UGT2A2: variants seen among roughly 807,000 people sequenced by gnomAD.
UGT2A2 encodes the protein UDP-glucuronosyltransferase 2A2.
A neutral mutation model predicts 50.7 loss-of-function variants in UGT2A2; 60 were observed. The observed-to-expected ratio is 1.18, with a 90% confidence interval of 0.96 to 1.47. The LOEUF is 1.47. Among genes scored for constraint, UGT2A2 ranks in the 40% most tolerant of loss-of-function variants. The pLI is 0.00. For synonymous variants in UGT2A2, 242 were observed against 214.6 expected, an observed-to-expected ratio of 1.13 and a Z score of -1.11; for missense variants, 762 against 634.0, an observed-to-expected ratio of 1.20 and a Z score of -2.17.
chr4:69,594,689 G>T lies in UGT2A2; in HGVS notation c.1119C>A (p.Pro373=), dbSNP rs145779977. 24 of 1,613,134 alleles carry T rather than the reference G, an allele frequency of 1.5e-5. No homozygotes were observed. The African/African-American group carries it at 2.7e-4, about 18-fold the overall frequency. ...CATGAGTGATAAAAGCTTTGGTTTT[G>T]GGATGTCCTAATTTGAGGATGGAGT... ...WIPQNDLLGH[P]KTKAFITHGG... is the part of the protein sequence containing the mutation. Residue 373 remains proline (P), a synonymous_variant, in exon 5 of 6, where the codon CCC becomes CCA. Coordinates refer to ENST00000604629, the MANE Select transcript of UGT2A2 (RefSeq NM_001105677.2).
At chr4:69,617,011 G>A (rs1408237560) in intron 1 of UGT2A2, among the ~76,000 whole-genome samples, 1 of 151,732 alleles carries the variant, frequency 6.6e-6, no homozygotes, top group Non-Finnish European at 1.5e-5. Flanking sequence ...TGAGAAATAT[G>A]TAGCTGGTGG....
intron 1 of UGT2A2, among the ~76,000 whole-genome samples, chr4:69,608,137 G>A (rs376459007): frequency 4.8e-4 from 73 of 152,054 alleles, no homozygotes; most frequent in East Asian, 3.3e-3. Context: ...TTATTGCAGC[G>A]CTATTCACAA....
At chr4:69,612,768 T>C (rs1281779300) in intron 1 of UGT2A2, among the ~76,000 whole-genome samples, 5 of 151,870 alleles carry the variant, frequency 3.3e-5, no homozygotes, top group Admixed American at 3.3e-4. Flanking sequence ...CCTCAAAGTA[T>C]AAAAATCTTT....
intron 1 of UGT2A2, among the ~76,000 whole-genome samples, chr4:69,611,475 A>G (rs1235186656): frequency 1.3e-5 from 2 of 152,078 alleles, no homozygotes; most frequent in Non-Finnish European, 2.9e-5. Context: ...GTATGCACAC[A>G]CTATGACAAG....
intron 1 of UGT2A2, among the ~76,000 whole-genome samples, chr4:69,622,722 T>C (rs1720821858): frequency 6.6e-6 from 1 of 151,744 alleles, no homozygotes; most frequent in African/African-American, 2.4e-5. Flanking sequence ...GTCTAGGCAA[T>C]GTGATGCTGC....
intron 1 of UGT2A2, among the ~76,000 whole-genome samples, chr4:69,620,629 A>G (rs895960087): frequency 8.7e-5 from 13 of 150,060 alleles, no homozygotes; most frequent in African/African-American, 3.2e-4. Context: ...GAAATAAAAA[A>G]CTATTTTAAA....
At chr4:69,632,406 G>A (rs1230429959) in intron 1 of UGT2A2, among the ~76,000 whole-genome samples, 1 of 151,984 alleles carries the variant, frequency 6.6e-6, no homozygotes, top group Non-Finnish European at 1.5e-5. Flanking sequence ...AAGTTGAGTT[G>A]CTGATGATGC....
At chr4:69,594,265 C>T (rs977349173) in intron 5 of UGT2A2, among the ~76,000 whole-genome samples, 2 of 152,074 alleles carry the variant, frequency 1.3e-5, no homozygotes, top group African/African-American at 2.4e-5. Context: ...TGAGCCACTG[C>T]GCCCGGCCAA....
intron 1 of UGT2A2, among the ~76,000 whole-genome samples, chr4:69,635,307 T>C (rs1050756176): frequency 1.3e-5 from 2 of 152,162 alleles, no homozygotes; most frequent in Non-Finnish European, 2.9e-5. Flanking sequence ...CTGGGCTTTC[T>C]GCTCTCCCGA....
At chr4:69,598,050 G>T (rs2109887237) in intron 2 of UGT2A2, among the ~76,000 whole-genome samples, 1 of 152,128 alleles carries the variant, frequency 6.6e-6, no homozygotes, top group East Asian at 1.9e-4. Flanking sequence ...GGGTGTCATG[G>T]GTCATTATCC....
At position 69,639,318 on chromosome 4, in the gene UGT2A2, G is replaced by C; in HGVS notation, c.323C>G (p.Pro108Arg). The C allele has an allele frequency of 6.2e-7, 1 of 1,613,628 alleles. No homozygotes were observed. The highest frequency in any genetic ancestry group is 8.5e-7 in the Non-Finnish European group (1 of 1,179,734). Residue 108 changes from proline to arginine, a missense_variant, in exon 1 of 6, where the codon CCA becomes CGA. Pro to Arg is a moderately radical substitution (Grantham distance 103). Transcript: ENST00000604629. The part of the protein sequence containing the change: ...HMIMLWIDHR[P>R]TPLTIWAFYK... ...GAAAGCCCATATTGTGAGAGGAGTT[G>C]GTCTATGGTCAATCCACAGCATTAT... is the stretch of plus-strand genomic sequence containing the variant.
At chr4:69,633,254 C>T (rs575665664) in intron 1 of UGT2A2, among the ~76,000 whole-genome samples, 2 of 151,998 alleles carry the variant, frequency 1.3e-5, no homozygotes, top group East Asian at 3.9e-4. Flanking sequence ...AAAATTATAC[C>T]TTAATAAAAA....
Position 69,639,187 on chromosome 4 carries a change from C to T in UGT2A2, c.454G>A (p.Gly152Ser). The change falls in exon 1 of 6, where the codon GGT (glycine) becomes AGT (serine). Residue 152 changes from glycine to serine, a missense_variant. Physicochemically the swap from Gly to Ser is moderately conservative, Grantham distance 56. Transcript: ENST00000604629. ...PKLMARLQKG[G>S]FDVLVADPVT... ...GGGTCTGCTACCAACACATCAAAAC[C>T]ACCTTTCTGAAGTCTTGCCATCAAC... is the stretch of plus-strand genomic sequence containing the variant. 2 of 1,613,672 alleles carry T rather than the reference C, an allele frequency of 1.2e-6. No homozygotes were observed. Among genetic ancestry groups the T allele is most frequent in the Non-Finnish European group, 1.7e-6 (2 of 1,179,760 alleles).
At chr4:69,633,260 A>G (rs75836102) in intron 1 of UGT2A2, among the ~76,000 whole-genome samples, 1 of 152,276 alleles carries the variant, frequency 6.6e-6, no homozygotes, top group African/African-American at 2.4e-5. Flanking sequence ...ATACCTTAAT[A>G]AAAACAATAG....
intron 1 of UGT2A2, among the ~76,000 whole-genome samples, chr4:69,605,852 A>T (rs1719575719): frequency 2.2e-5 from 3 of 136,982 alleles, no homozygotes; most frequent in African/African-American, 3.0e-5. Context: ...TGACACGTAC[A>T]CCCTCCCAAG....
intron 1 of UGT2A2, among the ~76,000 whole-genome samples, chr4:69,601,915 C>T (rs1410485019): frequency 4.4e-5 from 6 of 135,794 alleles, no homozygotes; most frequent in Non-Finnish European, 9.4e-5. Context: ...GAGGGCTGTA[C>T]CACAACCATG....
At chr4:69,616,496 G>A (rs1055178976) in intron 1 of UGT2A2, among the ~76,000 whole-genome samples, 29 of 151,676 alleles carry the variant, frequency 1.9e-4, no homozygotes, top group Non-Finnish European at 2.9e-4. Context: ...CCTGTAAATC[G>A]ATACAACTAT....
chr4:69,638,024 GAAGGAAGGAAAAA>G (rs1721817301), intron 1 of UGT2A2, among the ~76,000 whole-genome samples: 3 of 151,262 alleles, frequency 2.0e-5, no homozygotes, highest in South Asian at 4.2e-4. Flanking sequence ...AGGAAGGAAA[GAAGGAAGGAAAAA>G]AAGGAAGGAA....
At chr4:69,628,926 T>C (rs575555136) in intron 1 of UGT2A2, among the ~76,000 whole-genome samples, 152 of 151,888 alleles carry the variant, frequency 1.0e-3, no homozygotes, top group Non-Finnish European at 1.9e-3. Context: ...TCTTTCAATT[T>C]CCCTCAGCTA....
Sources: gnomAD v4.1 joint callset for allele counts (sites outside exome capture counted in the v4.1 genomes callset) on GRCh38, gnomAD v4.1.1 for gene constraint, MANE v1.5 for transcripts, NCBI Gene and HGNC (gene_info 2026-07-23, HGNC 2026-07-21) for gene names.